Variants in STK39 observed in about 807,000 individuals in gnomAD.
STK39 encodes the protein STE20/SPS1-related proline-alanine-rich protein kinase.
A neutral mutation model predicts 77.8 loss-of-function variants in STK39; 20 were observed. The ratio of observed to expected loss-of-function variants is 0.26; its 90% CI spans 0.18 to 0.37. The LOEUF is 0.37. Ranked by LOEUF, STK39 falls within the 10% of genes least tolerant of loss-of-function variation. STK39 has a pLI of 1.00. For synonymous variants in STK39, 246 were observed against 234.1 expected (o/e 1.05, Z -0.47); for missense variants, 479 against 656.5 (o/e 0.73, Z 2.95).
At chr2:168,014,776 C>T (rs1396322383) in intron 15 of STK39, among the ~76,000 whole-genome samples, 1 of 152,174 alleles carries the variant, frequency 6.6e-6, no homozygotes, top group Non-Finnish European at 1.5e-5. Flanking sequence ...GGATGTGTTA[C>T]CCATCACTTC....
At chr2:168,165,520 A>G (rs1303486647) in intron 3 of STK39, among the ~76,000 whole-genome samples, 3 of 152,148 alleles carry the variant, frequency 2.0e-5, no homozygotes, top group Non-Finnish European at 4.4e-5. Flanking sequence ...TCTGCTGAAT[A>G]AAGGGGCAGT....
chr2:168,068,565 G>A lies in STK39; in HGVS notation c.1243-3184C>T, dbSNP rs919965591. Among the ~76,000 whole-genome samples the A allele has an allele frequency of 5.3e-5, 8 of 152,288 alleles. No homozygotes were observed. In the South Asian group the frequency reaches 1.2e-3, roughly 24 times the overall value. Reference sequence around the variant, plus strand: ...CAGGAATACATAAGAAATCAACAGTGGGGGAGATTGCATGAGGAATATATG... The same window carrying A: ...CAGGAATACATAAGAAATCAACAGTAGGGGAGATTGCATGAGGAATATATG... On this transcript the variant is annotated intron_variant, in intron 12 of 17. Coordinates refer to ENST00000355999, the MANE Select transcript of STK39 (RefSeq NM_013233.3).
At chr2:168,037,425 A>G (rs1684985395) in intron 14 of STK39, among the ~76,000 whole-genome samples, 1 of 152,240 alleles carries the variant, frequency 6.6e-6, no homozygotes, top group East Asian at 1.9e-4. Context: ...ATACCTACCC[A>G]TTGACCTAAT....
chr2:167,955,772 A>G (rs924578669), intron 17 of STK39, among the ~76,000 whole-genome samples: 1 of 152,224 alleles, frequency 6.6e-6, no homozygotes, highest in Admixed American at 6.5e-5. Context: ...CCATCATGCT[A>G]TGAAGTACAG....
chr2:168,202,676 A>G (rs1689639802), intron 1 of STK39, among the ~76,000 whole-genome samples: 1 of 152,172 alleles, frequency 6.6e-6, no homozygotes. Flanking sequence ...GCAGCGACCA[A>G]ACTGCTAGAA....
At chr2:168,025,946 T>A (rs6717944) in intron 14 of STK39, among the ~76,000 whole-genome samples, 3 of 152,030 alleles carry the variant, frequency 2.0e-5, no homozygotes, top group Admixed American at 1.3e-4. Flanking sequence ...TTACCAGCAA[T>A]GACATTCAGT....
intron 14 of STK39, among the ~76,000 whole-genome samples, chr2:168,056,656 A>C (rs922699458): frequency 1.3e-5 from 2 of 152,206 alleles, no homozygotes; most frequent in Non-Finnish European, 2.9e-5. Flanking sequence ...GGCATATACA[A>C]ATATACGTGT....
intron 5 of STK39, among the ~76,000 whole-genome samples, chr2:168,150,079 G>A (rs1517333): frequency 0.25 from 38,590 of 152,090 alleles, 7,045 homozygotes; most frequent in African/African-American, 0.5. Flanking sequence ...ATTGCAGCAA[G>A]ATCCCCAGCT....
Position 168,108,572 on chromosome 2 carries a change from A to T in STK39, c.1089+20969T>A, listed in dbSNP as rs539761822. Among the ~76,000 whole-genome samples, 19 of 144,754 alleles carry T rather than the reference A, an allele frequency of 1.3e-4. No individual in the cohort carries two copies. The South Asian group carries it at 2.2e-3, about 17-fold the overall frequency. 95.0% of individuals were successfully genotyped at this position (144,754 alleles called of 152,430 possible). On this transcript the variant is annotated intron_variant, in intron 10 of 17. Transcript: ENST00000355999. ...CAAAATTTAAAAAAGAAAAGAAAAT[A>T]AAAAAAAAAAGAAACGATGGGGTAC...
At chr2:168,065,228 C>T in intron 13 of STK39, 91 bp downstream of exon 13, 1 of 1,401,162 alleles carries the variant, frequency 7.1e-7, no homozygotes, top group East Asian at 2.3e-5. Context: ...GGAGGCACTA[C>T]CTTGAAATTG....
At chr2:168,040,095 G>A (rs1685065024) in intron 14 of STK39, among the ~76,000 whole-genome samples, 1 of 152,124 alleles carries the variant, frequency 6.6e-6, no homozygotes, top group African/African-American at 2.4e-5. Context: ...ACCGCACTCC[G>A]ATCTACAAAT....
At chr2:167,983,407 T>C (rs1463819420) in intron 16 of STK39, among the ~76,000 whole-genome samples, 1 of 144,784 alleles carries the variant, frequency 6.9e-6, no homozygotes, top group Non-Finnish European at 1.5e-5. Context: ...TGAACCCAGA[T>C]TGCGCCGTTG....
At chr2:168,186,426 T>A (rs1689209614) in intron 1 of STK39, among the ~76,000 whole-genome samples, 1 of 152,238 alleles carries the variant, frequency 6.6e-6, no homozygotes, top group Non-Finnish European at 1.5e-5. Context: ...TGGCAGAGAA[T>A]GCCATACTAA....
At chr2:168,080,867 C>T (rs574618656) in intron 10 of STK39, among the ~76,000 whole-genome samples, 12 of 152,338 alleles carry the variant, frequency 7.9e-5, no homozygotes, top group South Asian at 6.2e-4. Context: ...AGGTACACCT[C>T]GGGCCATTGC....
intron 5 of STK39, among the ~76,000 whole-genome samples, chr2:168,143,730 T>C (rs1203388757): frequency 6.6e-6 from 1 of 151,826 alleles, no homozygotes; most frequent in Non-Finnish European, 1.5e-5. Flanking sequence ...AAAAAAAGTC[T>C]TTCAAGGCTC....
intron 17 of STK39, among the ~76,000 whole-genome samples, chr2:167,957,402 T>A (rs1380580070): frequency 1.3e-5 from 2 of 152,212 alleles, no homozygotes; most frequent in Non-Finnish European, 2.9e-5. Flanking sequence ...AGTACAGGCA[T>A]AGAGGGCATT....
intron 16 of STK39, among the ~76,000 whole-genome samples, chr2:167,990,013 A>C (rs75139941): frequency 0.05 from 7,646 of 152,196 alleles, 683 homozygotes; most frequent in African/African-American, 0.17. Context: ...GACCAATAAT[A>C]ATCATCATCA....
intron 17 of STK39, among the ~76,000 whole-genome samples, chr2:167,955,826 C>A (rs1691750339): frequency 2.6e-5 from 4 of 152,268 alleles, no homozygotes; most frequent in African/African-American, 9.6e-5. Context: ...AATACCATGC[C>A]CAGGCTGGAA....
chr2:168,148,111 T>C (rs980849892), intron 5 of STK39, among the ~76,000 whole-genome samples: 3 of 152,250 alleles, frequency 2.0e-5, no homozygotes, highest in Non-Finnish European at 4.4e-5. Flanking sequence ...TGTTTCCTTC[T>C]GATTGCAATG....
Sources: allele counts gnomAD v4.1 joint callset (sites outside exome capture counted in the v4.1 genomes callset), GRCh38; gene constraint gnomAD v4.1.1; transcripts MANE v1.5; gene names NCBI Gene and HGNC (gene_info 2026-07-23, HGNC 2026-07-21).